Variants in LRP1B observed in about 807,000 individuals in gnomAD.
The protein encoded by LRP1B is low-density lipoprotein receptor-related protein 1B.
LRP1B carries 217 observed loss-of-function variants against 556.6 expected under a neutral mutation model. The ratio of observed to expected loss-of-function variants is 0.39; its 90% CI spans 0.35 to 0.44. The LOEUF is 0.44. Ranked by LOEUF, LRP1B falls within the 20% of genes least tolerant of loss-of-function variation. The pLI, the probability that LRP1B is intolerant of heterozygous loss-of-function variation, is 1.00. For missense variants in LRP1B, 5,053 were observed against 5,620.8 expected, an observed-to-expected ratio of 0.90 and a Z score of 3.23; for synonymous variants, 2,047 against 1,865.8, an observed-to-expected ratio of 1.10 and a Z score of -2.50.
chr2:141,031,251 T>TCACACACACACACA (rs72098612), intron 11 of LRP1B, among the ~76,000 whole-genome samples: 34 of 121,630 alleles, frequency 2.8e-4, no homozygotes, highest in Admixed American at 8.8e-4. Flanking sequence ...TATATACATA[T>TCACACACACACACA]CACACACACA....
chr2:141,817,738 T>C (rs1275339735), intron 1 of LRP1B, among the ~76,000 whole-genome samples: 1 of 152,134 alleles, frequency 6.6e-6, no homozygotes, highest in Non-Finnish European at 1.5e-5. Context: ...ACAAAAATTT[T>C]ATGCCATTTT....
At chr2:141,602,049 G>C (rs1386609794) in intron 2 of LRP1B, among the ~76,000 whole-genome samples, 1 of 152,038 alleles carries the variant, frequency 6.6e-6, no homozygotes, top group Non-Finnish European at 1.5e-5. Context: ...CAAATGACTT[G>C]AATTAGCCTA....
intron 43 of LRP1B, among the ~76,000 whole-genome samples, chr2:140,591,516 A>C (rs953206041): frequency 6.6e-6 from 1 of 152,176 alleles, no homozygotes; most frequent in African/African-American, 2.4e-5. Context: ...TACCCATCTT[A>C]TTGGCTCTCA....
At chr2:141,650,312 T>G (rs1254870475) in intron 2 of LRP1B, among the ~76,000 whole-genome samples, 2 of 152,138 alleles carry the variant, frequency 1.3e-5, no homozygotes, top group African/African-American at 4.8e-5. Flanking sequence ...GCCTACTTCT[T>G]TGTGAGTATG....
At chr2:140,316,541 G>C (rs1420249943) in intron 82 of LRP1B, among the ~76,000 whole-genome samples, 1 of 152,052 alleles carries the variant, frequency 6.6e-6, no homozygotes, top group Non-Finnish European at 1.5e-5. Context: ...TTTGTAATAT[G>C]AATAACTCTC....
chr2:142,003,885 GC>G (rs1390349553), intron 1 of LRP1B, among the ~76,000 whole-genome samples: 2 of 152,190 alleles, frequency 1.3e-5, no homozygotes, highest in African/African-American at 4.8e-5. Flanking sequence ...TCCAGGCCTT[GC>G]CCTGCCACAT....
chr2:141,399,151 G>A (rs1690355289), intron 3 of LRP1B, among the ~76,000 whole-genome samples: 1 of 152,030 alleles, frequency 6.6e-6, no homozygotes, highest in Admixed American at 6.6e-5. Context: ...AGCTACTCAA[G>A]AGGCTAAGGC....
chr2:140,928,579 C>T (rs1694955424), intron 20 of LRP1B, among the ~76,000 whole-genome samples: 1 of 152,140 alleles, frequency 6.6e-6, no homozygotes, highest in African/African-American at 2.4e-5. Flanking sequence ...GACCAAACCT[C>T]ATCATATAGC....
chr2:140,679,138 G>A (rs1685775446), intron 41 of LRP1B, among the ~76,000 whole-genome samples: 1 of 152,076 alleles, frequency 6.6e-6, no homozygotes, highest in Non-Finnish European at 1.5e-5. Context: ...TTCTCCCTGG[G>A]TCTGTGTTGC....
chr2:141,126,005 C>T (rs533451171), intron 7 of LRP1B, among the ~76,000 whole-genome samples: 1 of 151,396 alleles, frequency 6.6e-6, no homozygotes. Flanking sequence ...CTTGGCTGAG[C>T]CCTCTCAATT....
chr2:140,527,751 A>T (rs4464215), intron 47 of LRP1B, among the ~76,000 whole-genome samples: 5,469 of 151,940 alleles, frequency 0.036, 338 homozygotes, highest in African/African-American at 0.12. Flanking sequence ...TTTCATATTC[A>T]ATTTTTTTCA....
At chr2:141,115,329 T>C (rs1277226020) in intron 7 of LRP1B, among the ~76,000 whole-genome samples, 1 of 152,118 alleles carries the variant, frequency 6.6e-6, no homozygotes, top group East Asian at 1.9e-4. Context: ...TAGACAAGGA[T>C]TCAATAAACC....
Position 141,229,232 on chromosome 2 carries a change from T to C in LRP1B, c.801A>G (p.Ala267=). The change falls in exon 6 of 91, where the codon GCA becomes GCG. Residue 267 remains alanine (A), a synonymous_variant. Transcript: ENST00000389484. ...NQLKCIQITK[A]GGLTDEWTIN... is the part of the protein sequence containing the mutation. The stretch of plus-strand genomic sequence containing the variant: ...TTGTCCATTCATCTGTTAATCCTCC[T>C]GCTTTTGTTATCTGGATACATTTGA... 1 of 1,613,232 alleles carries C rather than the reference T, an allele frequency of 6.2e-7. No homozygotes were observed. Among genetic ancestry groups the C allele is most frequent in the Non-Finnish European group, 8.5e-7 (1 of 1,179,398 alleles).
At chr2:140,291,275 A>G (rs1335932656) in intron 84 of LRP1B, among the ~76,000 whole-genome samples, 2 of 105,246 alleles carry the variant, frequency 1.9e-5, no homozygotes, top group Non-Finnish European at 4.6e-5. Context: ...CTCAGCTTAG[A>G]TACCACTTCA....
At chr2:141,658,906 T>G (rs1335184033) in intron 2 of LRP1B, among the ~76,000 whole-genome samples, 1 of 152,142 alleles carries the variant, frequency 6.6e-6, no homozygotes, top group Non-Finnish European at 1.5e-5. Context: ...AAGATTTTTA[T>G]TTTTATATTT....
intron 11 of LRP1B, among the ~76,000 whole-genome samples, chr2:141,031,268 CACACACACACACAT>C (rs1368196379): frequency 0.011 from 1,038 of 95,562 alleles, 18 homozygotes; most frequent in African/African-American, 0.035. Flanking sequence ...CACACACACA[CACACACACACACAT>C]ACATACATAT....
intron 3 of LRP1B, among the ~76,000 whole-genome samples, chr2:141,357,902 T>C (rs1688683037): frequency 6.6e-6 from 1 of 152,224 alleles, no homozygotes; most frequent in South Asian, 2.1e-4. Context: ...TTCTGGACTG[T>C]TGTGCAAAAT....
intron 1 of LRP1B, among the ~76,000 whole-genome samples, chr2:141,859,942 T>A (rs1257343451): frequency 1.3e-5 from 2 of 152,196 alleles, no homozygotes; most frequent in Admixed American, 1.3e-4. Flanking sequence ...TGTTCAACAA[T>A]GTTAGAATTT....
chr2:140,691,947 G>C (rs1332589623), intron 41 of LRP1B, among the ~76,000 whole-genome samples: 4 of 152,030 alleles, frequency 2.6e-5, no homozygotes, highest in Non-Finnish European at 5.9e-5. Flanking sequence ...TATAGCTATT[G>C]TTGAAAGTAT....
Sources: allele counts gnomAD v4.1 joint callset (sites outside exome capture counted in the v4.1 genomes callset), GRCh38; gene constraint gnomAD v4.1.1; transcripts MANE v1.5; gene names NCBI Gene and HGNC (gene_info 2026-07-23, HGNC 2026-07-21).